The following FOXP2 variants were observed in gnomAD, a reference collection of about 807,000 sequenced individuals.
FOXP2 encodes forkhead box protein P2.
A neutral mutation model predicts 115.8 loss-of-function variants in FOXP2; 12 were observed. The observed-to-expected ratio is 0.10, with a 90% confidence interval of 0.07 to 0.17. FOXP2 has a LOEUF of 0.17. Ranked by LOEUF, FOXP2 falls within the 10% of genes least tolerant of loss-of-function variation. The probability of loss-of-function intolerance (pLI) is 1.00; values close to 1 mark genes in which losing one functional copy is unlikely to be tolerated. For synonymous variants in FOXP2, 328 were observed against 297.7 expected (o/e 1.10, Z -1.05); for missense variants, 629 against 843.5 (o/e 0.75, Z 3.15).
At chr7:114,393,216 G>C (rs1389093901) in intron 2 of FOXP2, among the ~76,000 whole-genome samples, 1 of 150,574 alleles carries the variant, frequency 6.6e-6, no homozygotes, top group Non-Finnish European at 1.5e-5. Context: ...TTTTACTTAA[G>C]TATGTTTAAG....
chr7:114,309,877 C>T (rs1395706121), intron 2 of FOXP2, among the ~76,000 whole-genome samples: 1 of 149,262 alleles, frequency 6.7e-6, no homozygotes, highest in Non-Finnish European at 1.5e-5. Flanking sequence ...ATTGCCCAGG[C>T]TTGTCTTGAA....
At chr7:114,311,908 A>G (rs1339599806) in intron 2 of FOXP2, among the ~76,000 whole-genome samples, 2 of 152,034 alleles carry the variant, frequency 1.3e-5, no homozygotes, top group Non-Finnish European at 2.9e-5. Context: ...TTGCCCCTCT[A>G]CATGCTGCTG....
rs980390737 is a variant in FOXP2 at position 114,592,183 on chromosome 7, G to A, written c.259-36357G>A. Among the ~76,000 whole-genome samples, 3 of 152,068 alleles carry A rather than the reference G, an allele frequency of 2.0e-5. No individual in the cohort carries two copies. In the East Asian group the frequency reaches 5.8e-4, roughly 29 times the overall value. ...ATTTAAATTATCATTACATGAAATA[G>A]CACTTCTATTTTTGTGGCACTATTG... On this transcript the variant is annotated intron_variant, in intron 3 of 16. Transcript: ENST00000350908.
intron 16 of FOXP2, chr7:114,665,095 T>C (rs948514784): frequency 6.6e-6 from 1 of 152,412 alleles, no homozygotes; most frequent in African/African-American, 2.4e-5. Flanking sequence ...ACCATCTTTT[T>C]AATGGAGCTG....
At chr7:114,534,558 A>T in intron 2 of FOXP2, 59 bp from the exon 3 acceptor site, 1 of 1,354,480 alleles carries the variant, frequency 7.4e-7, no homozygotes, top group East Asian at 2.3e-5. Context: ...TAACCAAGAG[A>T]TAATTGATAA....
chr7:114,139,157 C>T (rs530158308), intron 1 of FOXP2, among the ~76,000 whole-genome samples: 6 of 152,072 alleles, frequency 3.9e-5, no homozygotes, highest in Admixed American at 3.9e-4. Context: ...AAAATATATG[C>T]CTTAAATTAC....
At chr7:114,595,475 A>T (rs1802646633) in intron 3 of FOXP2, among the ~76,000 whole-genome samples, 1 of 152,014 alleles carries the variant, frequency 6.6e-6, no homozygotes, top group Non-Finnish European at 1.5e-5. Flanking sequence ...ATTTTTTTGC[A>T]GTCTGATTTA....
chr7:114,534,738 A>G (rs1280013194), intron 3 of FOXP2, 32 bp downstream of exon 3: 3 of 1,539,686 alleles, frequency 1.9e-6, no homozygotes, highest in Non-Finnish European at 1.8e-6. Flanking sequence ...TTGGGGTCTT[A>G]TTTTAAAAGA....
intron 1 of FOXP2, among the ~76,000 whole-genome samples, chr7:114,253,799 A>G (rs1471486348): frequency 2.0e-5 from 3 of 152,174 alleles, no homozygotes; most frequent in Non-Finnish European, 2.9e-5. Flanking sequence ...TACATTTAAG[A>G]TTAATATTGT....
At chr7:114,512,077 T>C (rs1380226711) in intron 2 of FOXP2, among the ~76,000 whole-genome samples, 1 of 152,178 alleles carries the variant, frequency 6.6e-6, no homozygotes, top group African/African-American at 2.4e-5. Flanking sequence ...TGTTTTTGTA[T>C]AATTTGGATA....
intron 1 of FOXP2, among the ~76,000 whole-genome samples, chr7:114,279,928 C>T (rs1037446463): frequency 6.6e-6 from 1 of 151,824 alleles, no homozygotes; most frequent in Non-Finnish European, 1.5e-5. Flanking sequence ...AAGGCTTAGG[C>T]ATCTTACTGC....
chr7:114,102,696 C>CCACACACACACACACACACACA lies in FOXP2; in HGVS notation c.-247+14874_-247+14895dup, dbSNP rs10624558. ...GCTACACACATACAAACACCACACA[C>CCACACACACACACACACACACA]CACACACACACACACACACACACAC... On this transcript the variant is annotated intron_variant, in intron 1 of 19. Transcript: ENST00000635638. 1.8e-3 allele frequency among the ~76,000 whole-genome samples: 244 copies of CCACACACACACACACACACACA among 136,454 alleles called. 3 individuals carry two copies. The highest frequency in any genetic ancestry group is 6.2e-3 in the African/African-American group (232 of 37,350). The allele number at this position is 136,454 out of a possible 152,430, so 89.5% of individuals were successfully genotyped here. A position where few individuals can be genotyped will look rare whatever the true frequency, so the allele number is the denominator to read the frequency against.
chr7:114,142,033 T>C (rs1381905049), intron 1 of FOXP2, among the ~76,000 whole-genome samples: 2 of 118,926 alleles, frequency 1.7e-5, no homozygotes, highest in Non-Finnish European at 3.3e-5. Context: ...AATTAGATTG[T>C]TTTTTTTTTA....
intron 2 of FOXP2, among the ~76,000 whole-genome samples, chr7:114,296,583 G>A (rs1362813155): frequency 6.6e-6 from 1 of 152,046 alleles, no homozygotes; most frequent in Non-Finnish European, 1.5e-5. Context: ...ATAATTAGGG[G>A]AAGGAAGAAA....
intron 2 of FOXP2, among the ~76,000 whole-genome samples, chr7:114,384,538 C>T (rs1409329198): frequency 6.6e-6 from 1 of 152,058 alleles, no homozygotes; most frequent in African/African-American, 2.4e-5. Context: ...CCATCTGTCA[C>T]CTGGGAGGAA....
At chr7:114,625,343 C>T (rs182680717) in intron 3 of FOXP2, among the ~76,000 whole-genome samples, 2 of 151,754 alleles carry the variant, frequency 1.3e-5, no homozygotes, top group African/African-American at 2.4e-5. Context: ...CTATGTCACA[C>T]GTCTAAATTG....
chr7:114,300,246 T>C (rs1010478055), intron 2 of FOXP2, among the ~76,000 whole-genome samples: 2 of 152,106 alleles, frequency 1.3e-5, no homozygotes, highest in African/African-American at 2.4e-5. Context: ...TATATAACCA[T>C]AGGAAAGGGA....
intron 3 of FOXP2, among the ~76,000 whole-genome samples, chr7:114,600,711 G>T (rs765230730): frequency 7.9e-5 from 12 of 152,166 alleles, no homozygotes; most frequent in Non-Finnish European, 1.6e-4. Context: ...GGTGTGAAGT[G>T]CTAGCTCATT....
At chr7:114,612,360 G>A (rs1279009056) in intron 3 of FOXP2, among the ~76,000 whole-genome samples, 3 of 115,462 alleles carry the variant, frequency 2.6e-5, no homozygotes, top group African/African-American at 1.2e-4. Flanking sequence ...ACATATATAT[G>A]TATATATATA....
Sources: gnomAD v4.1 joint callset for allele counts (sites outside exome capture counted in the v4.1 genomes callset) on GRCh38, gnomAD v4.1.1 for gene constraint, MANE v1.5 for transcripts, NCBI Gene and HGNC (gene_info 2026-07-23, HGNC 2026-07-21) for gene names.